The following GPR158 variants were observed in gnomAD, a reference collection of about 807,000 sequenced individuals.
The protein encoded by GPR158 is metabotropic glycine receptor.
A neutral mutation model predicts 78.2 loss-of-function variants in GPR158; 30 were observed. The ratio of observed to expected loss-of-function variants is 0.38; its 90% CI spans 0.29 to 0.52. GPR158 has a LOEUF of 0.52. GPR158 is among the 20% of genes least tolerant of loss of function. The pLI, the probability that GPR158 is intolerant of heterozygous loss-of-function variation, is 0.83. For missense variants in GPR158, 1,463 were observed against 1,523.5 expected (o/e 0.96, Z 0.66); for synonymous variants, 581 against 591.1 (o/e 0.98, Z 0.25).
At chr10:25,499,575 T>G (rs1359412956) in intron 5 of GPR158, among the ~76,000 whole-genome samples, 2 of 152,254 alleles carry the variant, frequency 1.3e-5, no homozygotes, top group Non-Finnish European at 2.9e-5. Flanking sequence ...GAAGCTGATA[T>G]TCTAGCAGAG....
At chr10:25,452,798 A>G (rs1430237553) in intron 4 of GPR158, among the ~76,000 whole-genome samples, 2 of 152,234 alleles carry the variant, frequency 1.3e-5, no homozygotes, top group African/African-American at 2.4e-5. Flanking sequence ...TAACACATCC[A>G]TCGCCACCCA....
At chr10:25,424,994 C>T (rs1019390501) in intron 4 of GPR158, among the ~76,000 whole-genome samples, 6 of 152,180 alleles carry the variant, frequency 3.9e-5, no homozygotes, top group South Asian at 4.1e-4. Flanking sequence ...ATTTTCACGA[C>T]ATTGATTCTT....
intron 5 of GPR158, among the ~76,000 whole-genome samples, chr10:25,484,641 G>A (rs1472248962): frequency 2.0e-5 from 3 of 152,184 alleles, no homozygotes; most frequent in African/African-American, 7.2e-5. Context: ...CATAGCTGGA[G>A]TGTTTTTGCT....
chr10:25,597,995 A>G lies in GPR158; in HGVS notation c.2369A>G (p.Lys790Arg), dbSNP rs774290595. 1.1e-5 allele frequency: 18 copies of G among 1,614,048 alleles called. No homozygotes were observed. The highest frequency in any genetic ancestry group is 1.5e-5 in the Non-Finnish European group (18 of 1,180,026). The change falls in exon 11 of 11, where the codon AAG becomes AGG. Residue 790 changes from lysine to arginine, a missense_variant. Lys to Arg is a conservative substitution (Grantham distance 26). Transcript: ENST00000376351. ...GTAKGTALIR[K>R]NPPESSGNTG... ...GCCAAAGGCACTGCCCTCATCAGGA[A>G]GAACCCCCCAGAGTCTTCAGGGAAC...
chr10:25,192,328 C>G (rs960685691), intron 1 of GPR158, among the ~76,000 whole-genome samples: 3 of 152,174 alleles, frequency 2.0e-5, no homozygotes, highest in Admixed American at 2.0e-4. Context: ...AACTGTGAGT[C>G]AATTAAATGT....
At chr10:25,529,290 G>A (rs866222087) in intron 5 of GPR158, among the ~76,000 whole-genome samples, 7 of 152,198 alleles carry the variant, frequency 4.6e-5, no homozygotes, top group African/African-American at 1.4e-4. Flanking sequence ...AGGAGGCTGA[G>A]GCAGGAGAAT....
At chr10:25,372,764 C>T (rs537357625) in intron 2 of GPR158, among the ~76,000 whole-genome samples, 30 of 149,836 alleles carry the variant, frequency 2.0e-4, no homozygotes, top group Middle Eastern at 3.4e-3. Context: ...TGCTAGATGA[C>T]GAGTTAGTGG....
In GPR158 at chr10:25,175,661, G is replaced by A. The variant is rs1219551930; in HGVS notation, c.241G>A (p.Asp81Asn). The A allele has an allele frequency of 5.0e-6, 8 of 1,611,382 alleles. No homozygotes were observed. Among genetic ancestry groups the A allele is most frequent in the African/African-American group, 1.3e-5 (1 of 74,934 alleles). Residue 81 changes from aspartate to asparagine, a missense_variant, in exon 1 of 11, where the codon GAC becomes AAC. Transcript: ENST00000376351. This position sits in a 1 kb window ranked among gnomAD's most constrained non-coding sequence, Gnocchi z 6.4. ...AQKLAEEVPM[D>N]VASYLYTGDS... ...GAAACTCGCCGAGGAGGTGCCCATG[G>A]ACGTGGCCTCTTACCTCTACACCGG...
chr10:25,499,554 C>T (rs560359563), intron 5 of GPR158, among the ~76,000 whole-genome samples: 1 of 152,324 alleles, frequency 6.6e-6, no homozygotes, highest in East Asian at 1.9e-4. Context: ...AGACAAGACT[C>T]TTGCTCTCAT....
intron 2 of GPR158, among the ~76,000 whole-genome samples, chr10:25,367,655 TTTTG>T (rs1833907931): frequency 3.9e-5 from 2 of 51,606 alleles, no homozygotes; most frequent in African/African-American, 1.7e-4. Context: ...AAGGTGGGGT[TTTTG>T]TTTGTCTCTG....
At chr10:25,523,850 GA>G (rs959548062) in intron 5 of GPR158, among the ~76,000 whole-genome samples, 2 of 150,496 alleles carry the variant, frequency 1.3e-5, no homozygotes, top group Non-Finnish European at 3.0e-5. Flanking sequence ...TGAAGAAGAA[GA>G]AAAAAAAGGC....
intron 2 of GPR158, among the ~76,000 whole-genome samples, chr10:25,256,473 A>G (rs1359404587): frequency 6.6e-6 from 1 of 152,026 alleles, no homozygotes; most frequent in Admixed American, 6.6e-5. Flanking sequence ...GTAACATAGT[A>G]AGGCCCTGTC....
chr10:25,324,892 G>A (rs1302493081), intron 2 of GPR158, among the ~76,000 whole-genome samples: 1 of 144,142 alleles, frequency 6.9e-6, no homozygotes, highest in Non-Finnish European at 1.5e-5. Flanking sequence ...AGGCTGGAGT[G>A]TAGTGGCATG....
intron 2 of GPR158, chr10:25,393,573 A>G (rs1482614034): frequency 2.0e-5 from 3 of 152,186 alleles, no homozygotes; most frequent in Admixed American, 2.0e-4. Flanking sequence ...TTAGCTCTGA[A>G]GTGTCCCGAG....
chr10:25,248,181 A>C (rs1349016090), intron 2 of GPR158, among the ~76,000 whole-genome samples: 5 of 151,380 alleles, frequency 3.3e-5, no homozygotes, highest in South Asian at 2.1e-4. Flanking sequence ...TTTTCTTGTA[A>C]ATTTGGTTGA....
chr10:25,596,888 T>A, intron 10 of GPR158, 99 bp downstream of exon 10: 2 of 941,246 alleles, frequency 2.1e-6, no homozygotes, highest in Non-Finnish European at 3.3e-6. Context: ...GCATGTACAC[T>A]CATGTTTGTG....
chr10:25,586,787 C>T (rs35253399), intron 7 of GPR158, among the ~76,000 whole-genome samples: 8,337 of 152,118 alleles, frequency 0.055, 259 homozygotes, highest in Admixed American at 0.086. Context: ...GGACAAGTCC[C>T]AATATGATCA....
At chr10:25,272,884 C>T (rs1035829880) in intron 2 of GPR158, among the ~76,000 whole-genome samples, 4 of 152,138 alleles carry the variant, frequency 2.6e-5, no homozygotes, top group Non-Finnish European at 5.9e-5. Context: ...ATTCAGAACT[C>T]CTTTGAACCA....
chr10:25,590,662 C>A (rs1292355589), intron 8 of GPR158, among the ~76,000 whole-genome samples: 1 of 152,140 alleles, frequency 6.6e-6, no homozygotes, highest in Non-Finnish European at 1.5e-5. Flanking sequence ...AACAAATCGA[C>A]TAACAAATCA....
Sources: gnomAD v4.1 joint callset for allele counts (sites outside exome capture counted in the v4.1 genomes callset) on GRCh38, gnomAD v4.1.1 for gene constraint, Gnocchi (gnomAD v3.1) non-coding constraint, MANE v1.5 for transcripts, NCBI Gene and HGNC (gene_info 2026-07-23, HGNC 2026-07-21) for gene names.